The following INO80D variants were observed in gnomAD, a reference collection of about 807,000 sequenced individuals.
The protein encoded by INO80D is INO80 complex subunit D.
Under a neutral mutation model 87.6 loss-of-function variants are expected in INO80D, and 21 were observed. That is an observed-to-expected ratio of 0.24 (90% CI 0.17 to 0.35). The LOEUF is 0.35. Ranked by LOEUF, INO80D falls within the 10% of genes least tolerant of loss-of-function variation. The pLI, the probability that INO80D is intolerant of heterozygous loss-of-function variation, is 1.00. For synonymous variants in INO80D, 440 were observed against 491.0 expected, an observed-to-expected ratio of 0.90 and a Z score of 1.37; for missense variants, 982 against 1,280.7, an observed-to-expected ratio of 0.77 and a Z score of 3.56.
rs1337651072 is a variant in INO80D, at chr2:205,994,268, G to A, written c.*10100C>T. ...GTCAGTTTGTAAGTTCCCTTTAAGC[G>A]GCTTTTATATTTTTGTATTTATTTT... On this transcript the variant is annotated 3_prime_UTR_variant, in exon 11 of 11. Transcript: ENST00000403263. 6.6e-6 allele frequency: 1 copy of A among 152,130 alleles called. No individual in the cohort carries two copies. Among genetic ancestry groups the A allele is most frequent in the South Asian group, 2.1e-4 (1 of 4,830 alleles). The allele number at this position is 152,130 out of a possible 1,614,324, so 9.4% of individuals were successfully genotyped here. A position where few individuals can be genotyped will look rare whatever the true frequency, so the allele number is the denominator to read the frequency against.
chr2:206,068,995 C>T (rs1231093327), intron 1 of INO80D, among the ~76,000 whole-genome samples: 1 of 152,190 alleles, frequency 6.6e-6, no homozygotes. Context: ...GTCACCCTGC[C>T]TGGTCCAAGT....
chr2:206,022,911 G>A (rs952362039), intron 6 of INO80D, among the ~76,000 whole-genome samples: 8 of 152,030 alleles, frequency 5.3e-5, no homozygotes, highest in African/African-American at 1.9e-4. Flanking sequence ...TATTTTAAAG[G>A]ATCCAGGCCG....
chr2:206,057,836 TAA>T (rs1689567187), intron 3 of INO80D, among the ~76,000 whole-genome samples: 1 of 151,736 alleles, frequency 6.6e-6, no homozygotes, highest in Non-Finnish European at 1.5e-5. Flanking sequence ...CTAATAATTT[TAA>T]AAATGCTTTA....
rs760238887 is a variant in INO80D, at chr2:206,028,227, A to C, written c.1182T>G (p.Arg394=). The C allele has an allele frequency of 6.2e-7, 1 of 1,613,770 alleles. No homozygotes were observed. Among genetic ancestry groups the C allele is most frequent in the Admixed American group, 1.7e-5 (1 of 60,010 alleles). Residue 394 remains arginine, a synonymous_variant, in exon 6 of 11, where the codon CGT becomes CGG. Transcript: ENST00000403263. ...HLCRLERAES[R]QKKCRHTFRK... ...TAAACGTATGCCGGCATTTCTTTTG[A>C]CGAGATTCTGCCCGCTCCAGGCGGC...
chr2:206,059,026 A>T (rs1451570430), intron 3 of INO80D, among the ~76,000 whole-genome samples: 1 of 151,134 alleles, frequency 6.6e-6, no homozygotes, highest in East Asian at 1.9e-4. Context: ...GGAGTTCAAG[A>T]TCGACCTGAG....
rs185379040 is a variant in INO80D at position 206,017,716 on chromosome 2, A to G, written c.1506T>C (p.His502=). 2,707 of 1,610,598 alleles carry G rather than the reference A, an allele frequency of 1.7e-3. 7 individuals carry two copies. The highest frequency in any genetic ancestry group is 1.9e-3 in the Non-Finnish European group (2,284 of 1,178,800). Residue 502 remains histidine (H), a synonymous_variant, in exon 8 of 11, where the codon CAT becomes CAC. Transcript: ENST00000403263. The stretch of plus-strand genomic sequence containing the variant: ...CATGTTCTTCACACAGAGGTGTCTG[A>G]TGTGTAATGTCAAAAACTGGCACAG... ...QCSVPVFDIT[H]QTPLCEEHAK...
At chr2:206,043,944 C>T (rs1689126970) in intron 5 of INO80D, among the ~76,000 whole-genome samples, 1 of 152,140 alleles carries the variant, frequency 6.6e-6, no homozygotes, top group South Asian at 2.1e-4. Flanking sequence ...ATAATCCTGA[C>T]ACTTTGGGAG....
chr2:206,019,947 T>A lies in INO80D; in HGVS notation c.1299-102A>T. On this transcript the variant is annotated intron_variant, in intron 6 of 10. Coordinates refer to ENST00000403263, the MANE Select transcript of INO80D (RefSeq NM_017759.5). ...CAACTCTGTAACACTCTCATTATAATATATATAACATCTACAGTCACTAAA... is the reference window on the plus strand; with the variant it reads ...CAACTCTGTAACACTCTCATTATAAAATATATAACATCTACAGTCACTAAA... 3 of 740,534 alleles carry A rather than the reference T, an allele frequency of 4.1e-6. No homozygotes were observed. In the South Asian group the frequency reaches 5.1e-5, roughly 13 times the overall value. 45.9% of individuals were successfully genotyped at this position (740,534 alleles called of 1,614,324 possible).
chr2:206,053,163 T>C (rs1689421065), intron 4 of INO80D, among the ~76,000 whole-genome samples: 1 of 152,172 alleles, frequency 6.6e-6, no homozygotes, highest in South Asian at 2.1e-4. Flanking sequence ...ATTCCACTTT[T>C]AGTCTGAATT....
At chr2:206,038,943 AG>A (rs1688962305) in intron 5 of INO80D, among the ~76,000 whole-genome samples, 1 of 152,232 alleles carries the variant, frequency 6.6e-6, no homozygotes, top group Non-Finnish European at 1.5e-5. Flanking sequence ...TTGAGTTTCC[AG>A]GGTAAGTCCA....
intron 4 of INO80D, among the ~76,000 whole-genome samples, chr2:206,051,694 T>C (rs1689375380): frequency 6.6e-6 from 1 of 152,078 alleles, no homozygotes; most frequent in Admixed American, 6.6e-5. Flanking sequence ...AAAAAGAGAA[T>C]CTCACTATGT....
chr2:206,026,773 G>A (rs1311363069), intron 6 of INO80D, among the ~76,000 whole-genome samples: 2 of 151,246 alleles, frequency 1.3e-5, no homozygotes, highest in African/African-American at 4.9e-5. Context: ...CTGTACTAAG[G>A]TTTTCACCAT....
chr2:206,056,053 A>G, intron 4 of INO80D, 145 bp downstream of exon 4: 1 of 769,172 alleles, frequency 1.3e-6, no homozygotes, highest in Non-Finnish European at 2.0e-6. Flanking sequence ...GGTCTACCTA[A>G]ATACAGAATC....
chr2:205,998,339 G>C lies in INO80D; in HGVS notation c.*6029C>G, dbSNP rs951007547. On this transcript the variant is annotated 3_prime_UTR_variant, in exon 11 of 11. Coordinates refer to ENST00000403263, the MANE Select transcript of INO80D (RefSeq NM_017759.5). Reference sequence around the variant, plus strand: ...GGTCTAAAGGTGTTCTACATTTTGAGGCCCCAGGATATCCTTTTATTTTAT... The same window carrying C: ...GGTCTAAAGGTGTTCTACATTTTGACGCCCCAGGATATCCTTTTATTTTAT... The C allele has an allele frequency of 6.6e-6, 1 of 151,444 alleles. No individual in the cohort carries two copies. The highest frequency in any genetic ancestry group is 1.5e-5 in the Non-Finnish European group (1 of 67,938). The allele number at this position is 151,444 out of a possible 1,614,324, so 9.4% of individuals were successfully genotyped here.
At chr2:206,068,806 C>T (rs1689885509) in intron 1 of INO80D, among the ~76,000 whole-genome samples, 1 of 151,934 alleles carries the variant, frequency 6.6e-6, no homozygotes, top group African/African-American at 2.4e-5. Context: ...CTCAAGCAAT[C>T]CTCCCACCTC....
At chr2:206,056,175 A>C in intron 4 of INO80D, 23 bp downstream of exon 4, 1 of 1,544,632 alleles carries the variant, frequency 6.5e-7, no homozygotes, top group East Asian at 2.3e-5. Flanking sequence ...TGTGTCTATG[A>C]TACGATAAAA....
intron 1 of INO80D, among the ~76,000 whole-genome samples, chr2:206,071,988 C>T (rs1470760184): frequency 6.6e-6 from 1 of 152,114 alleles, no homozygotes; most frequent in East Asian, 1.9e-4. Flanking sequence ...GTTTCTCCTC[C>T]ACTCTGAACT....
At chr2:206,050,227 T>C (rs1689314301) in intron 4 of INO80D, among the ~76,000 whole-genome samples, 1 of 151,976 alleles carries the variant, frequency 6.6e-6, no homozygotes, top group African/African-American at 2.4e-5. Flanking sequence ...GCACAGTGGC[T>C]CATGCCTGTA....
intron 1 of INO80D, among the ~76,000 whole-genome samples, chr2:206,065,019 C>T (rs1197732865): frequency 6.6e-6 from 1 of 152,062 alleles, no homozygotes; most frequent in Non-Finnish European, 1.5e-5. Flanking sequence ...AACTGGATAT[C>T]CACATGCAGA....
Sources: gnomAD v4.1 joint callset for allele counts (sites outside exome capture counted in the v4.1 genomes callset) on GRCh38, gnomAD v4.1.1 for gene constraint, MANE v1.5 for transcripts, NCBI Gene and HGNC (gene_info 2026-07-23, HGNC 2026-07-21) for gene names.